Variants in LRP1B observed in about 807,000 individuals in gnomAD.
LRP1B encodes the protein LDL receptor related protein 1B.
LRP1B carries 217 observed loss-of-function variants against 556.6 expected under a neutral mutation model. The ratio of observed to expected loss-of-function variants is 0.39; its 90% CI spans 0.35 to 0.44. The LOEUF (loss-of-function observed/expected upper bound fraction) is 0.44. LRP1B is among the 20% of genes least tolerant of loss of function. The pLI is 1.00. For synonymous variants in LRP1B, 2,047 were observed against 1,865.8 expected (o/e 1.10, Z -2.50); for missense variants, 5,053 against 5,620.8 (o/e 0.90, Z 3.23).
At chr2:140,532,178 C>T (rs1690724269) in intron 47 of LRP1B, among the ~76,000 whole-genome samples, 1 of 152,100 alleles carries the variant, frequency 6.6e-6, no homozygotes, top group Admixed American at 6.6e-5. Context: ...CATTCCCACA[C>T]AAACAAATCT....
chr2:140,440,324 C>T (rs893451136), intron 66 of LRP1B, among the ~76,000 whole-genome samples: 3 of 152,162 alleles, frequency 2.0e-5, no homozygotes, highest in Non-Finnish European at 2.9e-5. Flanking sequence ...TCCTACTCTA[C>T]ATCCTGCTAA....
rs188872652 is a variant in LRP1B at position 140,828,913 on chromosome 2, G to A, written c.5209+11078C>T. 2.0e-3 allele frequency among the ~76,000 whole-genome samples: 299 copies of A among 151,422 alleles called. 4 individuals carry two copies. The highest frequency in any genetic ancestry group is 5.6e-4 in the Non-Finnish European group (38 of 67,906). The stretch of plus-strand genomic sequence containing the variant: ...TTTCACCTACAAAAAGACACACATC[G>A]GCTGAAAGTAAAGAGATGGAAGAAG... On this transcript the variant is annotated intron_variant, in intron 31 of 90. Coordinates refer to ENST00000389484, the MANE Select transcript of LRP1B (RefSeq NM_018557.3).
chr2:141,502,151 A>G (rs967867980), intron 2 of LRP1B, among the ~76,000 whole-genome samples: 1 of 152,238 alleles, frequency 6.6e-6, no homozygotes, highest in Non-Finnish European at 1.5e-5. Flanking sequence ...CGAAATACTC[A>G]TTAACTTTAT....
intron 3 of LRP1B, among the ~76,000 whole-genome samples, chr2:141,312,881 A>G (rs1686866850): frequency 6.6e-6 from 1 of 151,996 alleles, no homozygotes; most frequent in South Asian, 2.1e-4. Context: ...GGGTTTCACC[A>G]TGTTGGTCAG....
chr2:140,784,506 T>C (rs139975141), intron 32 of LRP1B, among the ~76,000 whole-genome samples: 2 of 151,314 alleles, frequency 1.3e-5, no homozygotes, highest in Admixed American at 6.6e-5. Flanking sequence ...ATGATCTCTT[T>C]AGGAAAATGA....
At chr2:140,552,473 A>T (rs1298573289) in intron 43 of LRP1B, among the ~76,000 whole-genome samples, 3 of 152,286 alleles carry the variant, frequency 2.0e-5, no homozygotes, top group East Asian at 1.9e-4. Context: ...TTGCCTTTGT[A>T]GGGTACAACA....
At chr2:140,753,674 A>G (rs1688655374) in intron 35 of LRP1B, among the ~76,000 whole-genome samples, 1 of 152,204 alleles carries the variant, frequency 6.6e-6, no homozygotes, top group Admixed American at 6.5e-5. Context: ...TGGCACTTGC[A>G]CTAAATACTA....
At chr2:140,590,332 A>T (rs1165514827) in intron 43 of LRP1B, among the ~76,000 whole-genome samples, 1 of 140,516 alleles carries the variant, frequency 7.1e-6, no homozygotes, top group African/African-American at 2.5e-5. Flanking sequence ...AATGTATACA[A>T]ATGTGTGTGT....
intron 7 of LRP1B, among the ~76,000 whole-genome samples, chr2:141,164,119 T>G (rs1261942828): frequency 6.6e-6 from 1 of 152,004 alleles, no homozygotes; most frequent in East Asian, 1.9e-4. Context: ...TAATTATTGC[T>G]CTACAAAGAA....
chr2:141,327,585 A>T (rs1189719304), intron 3 of LRP1B, among the ~76,000 whole-genome samples: 1 of 152,172 alleles, frequency 6.6e-6, no homozygotes, highest in African/African-American at 2.4e-5. Context: ...TATTCCACCA[A>T]GTTATTTCTC....
At chr2:141,512,770 T>TA (rs34559448) in intron 2 of LRP1B, among the ~76,000 whole-genome samples, 35,954 of 149,992 alleles carry the variant, frequency 0.24, 5,215 homozygotes, top group East Asian at 0.49. Context: ...CATCTTCAGT[T>TA]AAAAAAAAAA....
At chr2:142,068,709 G>A (rs978453900) in intron 1 of LRP1B, among the ~76,000 whole-genome samples, 13 of 151,400 alleles carry the variant, frequency 8.6e-5, no homozygotes, top group Admixed American at 2.0e-4. Flanking sequence ...TTATAACACA[G>A]CCCAGAACAG....
At position 140,918,725 on chromosome 2, in the gene LRP1B, G is replaced by A. The variant is rs562072605; in HGVS notation, c.3319+4240C>T. The stretch of plus-strand genomic sequence containing the variant: ...CCTAATCCCCAGTGTGATGGTATTG[G>A]GAGGTTTGGGAGGTAATCAGTTACG... On this transcript the variant is annotated intron_variant, in intron 21 of 90. Transcript: ENST00000389484. Among the ~76,000 whole-genome samples the A allele has an allele frequency of 3.9e-5, 6 of 152,154 alleles. No individual in the cohort carries two copies. The East Asian group carries it at 1.2e-3, about 29-fold the overall frequency.
At chr2:140,353,825 T>C (rs1171627528) in intron 75 of LRP1B, among the ~76,000 whole-genome samples, 1 of 151,980 alleles carries the variant, frequency 6.6e-6, no homozygotes, top group Non-Finnish European at 1.5e-5. Flanking sequence ...AGAACAAAGA[T>C]TTGGGCACAT....
intron 41 of LRP1B, among the ~76,000 whole-genome samples, chr2:140,641,956 G>A (rs995654860): frequency 4.6e-5 from 7 of 152,210 alleles, no homozygotes; most frequent in Admixed American, 4.6e-4. Flanking sequence ...AATTACAAAT[G>A]TATCAGAACA....
chr2:141,095,734 C>T (rs1470660939), intron 7 of LRP1B, among the ~76,000 whole-genome samples: 2 of 152,080 alleles, frequency 1.3e-5, no homozygotes, highest in Admixed American at 6.5e-5. Context: ...CTGTTCTCAA[C>T]ATGAATGTGA....
chr2:141,249,598 A>T (rs904751802), intron 4 of LRP1B, among the ~76,000 whole-genome samples: 1 of 147,788 alleles, frequency 6.8e-6, no homozygotes, highest in African/African-American at 2.4e-5. Flanking sequence ...CTCAAAATAA[A>T]ATAAAAATAA....
At chr2:141,070,306 C>A (rs901851008) in intron 7 of LRP1B, among the ~76,000 whole-genome samples, 2 of 149,678 alleles carry the variant, frequency 1.3e-5, no homozygotes, top group East Asian at 2.0e-4. Context: ...TTGAAACCAA[C>A]GAGAACAAAG....
intron 32 of LRP1B, among the ~76,000 whole-genome samples, chr2:140,794,924 A>G (rs1349819482): frequency 2.6e-5 from 4 of 152,088 alleles, no homozygotes; most frequent in Admixed American, 6.6e-5. Context: ...GCCACTTTCT[A>G]TAACTATGGA....
Sources: allele counts gnomAD v4.1 joint callset (sites outside exome capture counted in the v4.1 genomes callset), GRCh38; gene constraint gnomAD v4.1.1; transcripts MANE v1.5; gene names NCBI Gene and HGNC (gene_info 2026-07-23, HGNC 2026-07-21).